The following KCNIP3 variants were observed in gnomAD, a reference collection of about 807,000 sequenced individuals.
KCNIP3 encodes the protein potassium voltage-gated channel interacting protein 3.
A neutral mutation model predicts 35.0 loss-of-function variants in KCNIP3; 28 were observed. The ratio of observed to expected loss-of-function variants is 0.80; its 90% confidence interval spans 0.59 to 1.10. The LOEUF is 1.10. KCNIP3 is among the 50% of genes least tolerant of loss of function. KCNIP3 has a pLI of 0.00. For synonymous variants in KCNIP3, 134 were observed against 133.8 expected, an observed-to-expected ratio of 1.00 and a Z score of -0.01; for missense variants, 295 against 338.4, an observed-to-expected ratio of 0.87 and a Z score of 1.01.
intron 2 of KCNIP3, among the ~76,000 whole-genome samples, chr2:95,355,768 C>T (rs1240095702): frequency 2.6e-5 from 4 of 152,072 alleles, no homozygotes; most frequent in Admixed American, 6.5e-5. Flanking sequence ...GGGTTGGTTC[C>T]GAGTCTTTGC....
intron 2 of KCNIP3, among the ~76,000 whole-genome samples, chr2:95,319,266 G>A (rs1194339988): frequency 6.6e-6 from 1 of 152,224 alleles, no homozygotes; most frequent in Admixed American, 6.5e-5. Flanking sequence ...CTAGCCCCAG[G>A]TGGCAAGTTT....
Position 95,376,743 on chromosome 2 carries a change from C to T in KCNIP3, c.447+1535C>T, listed in dbSNP as rs1392640279. ...CCTGGGAGCCCCACAGACTGGGATC[C>T]CAGTGGTCACAAAGGATCCTGCCAG... is the stretch of plus-strand genomic sequence containing the variant. On this transcript the variant is annotated intron_variant, in intron 5 of 8. Transcript: ENST00000295225. This position sits in a 1 kb window ranked among gnomAD's most constrained non-coding sequence, Gnocchi z 4.2. Among the ~76,000 whole-genome samples the T allele has an allele frequency of 1.3e-5, 2 of 152,220 alleles. No homozygotes were observed. The highest frequency in any genetic ancestry group is 4.8e-5 in the African/African-American group (2 of 41,458).
intron 2 of KCNIP3, chr2:95,310,736 G>A: frequency 3.4e-6 from 2 of 586,366 alleles, no homozygotes; most frequent in Non-Finnish European, 6.1e-6. Flanking sequence ...GACCCACAGA[G>A]CATGGGTACA....
At chr2:95,344,449 G>C (rs1453493537) in intron 2 of KCNIP3, among the ~76,000 whole-genome samples, 2 of 152,230 alleles carry the variant, frequency 1.3e-5, no homozygotes, top group Non-Finnish European at 2.9e-5. Context: ...AATGCCACGT[G>C]GATACTCTGC....
rs949390066 is a variant in KCNIP3 at position 95,378,247 on chromosome 2, C to T, written c.447+3039C>T. On this transcript the variant is annotated intron_variant, in intron 5 of 8. Coordinates refer to ENST00000295225, the MANE Select transcript of KCNIP3 (RefSeq NM_013434.5). The surrounding 1 kb of genome is among the most constrained non-coding windows in gnomAD (Gnocchi z 4.0). ...AAGTGATCCTCCTACCCCAGCCTCC[C>T]GAGTACCTGGGACTGCGGGTGCATG... 3.3e-5 allele frequency among the ~76,000 whole-genome samples: 5 copies of T among 152,128 alleles called. No homozygotes were observed. The highest frequency in any genetic ancestry group is 1.2e-4 in the African/African-American group (5 of 41,430).
intron 2 of KCNIP3, among the ~76,000 whole-genome samples, chr2:95,320,895 G>A (rs1465399526): frequency 3.3e-5 from 1 of 29,990 alleles, no homozygotes; most frequent in African/African-American, 1.4e-4. Flanking sequence ...CGCCCCCCTC[G>A]GCCCCACCCA....
chr2:95,322,010 G>A (rs1678609116), intron 2 of KCNIP3, among the ~76,000 whole-genome samples: 1 of 152,112 alleles, frequency 6.6e-6, no homozygotes, highest in Non-Finnish European at 1.5e-5. Flanking sequence ...AGCTCTGTGT[G>A]AAGCAAATTG....
At chr2:95,357,843 G>T (rs2104281874) in intron 2 of KCNIP3, among the ~76,000 whole-genome samples, 1 of 152,350 alleles carries the variant, frequency 6.6e-6, no homozygotes, top group East Asian at 1.9e-4. Context: ...TCGCCTTGCT[G>T]TGGCTGGAGC....
At chr2:95,379,736 G>T (rs1180368957) in intron 5 of KCNIP3, among the ~76,000 whole-genome samples, 2 of 152,164 alleles carry the variant, frequency 1.3e-5, no homozygotes, top group Admixed American at 1.3e-4. Flanking sequence ...CGTTCCCTGG[G>T]CCTCCTGCCT....
At chr2:95,325,567 G>C (rs1290055873) in intron 2 of KCNIP3, among the ~76,000 whole-genome samples, 1 of 151,862 alleles carries the variant, frequency 6.6e-6, no homozygotes, top group Non-Finnish European at 1.5e-5. Flanking sequence ...CAGGGGGCAG[G>C]TCAGGGCACA....
chr2:95,333,559 A>C (rs1425974370), intron 2 of KCNIP3, among the ~76,000 whole-genome samples: 1 of 152,210 alleles, frequency 6.6e-6, no homozygotes, highest in Non-Finnish European at 1.5e-5. Flanking sequence ...GCACGTGCTC[A>C]GGATAGAGTC....
At chr2:95,324,375 G>A (rs563783518) in intron 2 of KCNIP3, among the ~76,000 whole-genome samples, 10 of 151,804 alleles carry the variant, frequency 6.6e-5, no homozygotes, top group Middle Eastern at 3.5e-3. Context: ...TTAGCTGGGC[G>A]TGGTGGCGGG....
intron 2 of KCNIP3, among the ~76,000 whole-genome samples, chr2:95,343,052 TG>T (rs1321574251): frequency 6.7e-6 from 1 of 148,348 alleles, no homozygotes; most frequent in Non-Finnish European, 1.5e-5. Context: ...ACAGTGGAGG[TG>T]GGGAGAGGCA....
At chr2:95,302,952 A>C (rs1218323728) in intron 1 of KCNIP3, 1 of 152,718 alleles carries the variant, frequency 6.5e-6, no homozygotes, top group Non-Finnish European at 1.5e-5. Context: ...TTGCCCATGC[A>C]TGTACTCCTA....
rs1197163803 is a variant in KCNIP3 at position 95,378,875 on chromosome 2, C to A, written c.448-2721C>A. Reference sequence around the variant, plus strand: ...ATATATACACATATATACACACACACACATATATATACACACACACACATA... The same window carrying A: ...ATATATACACATATATACACACACAAACATATATATACACACACACACATA... On this transcript the variant is annotated intron_variant, in intron 5 of 8. Transcript: ENST00000295225. This position sits in a 1 kb window ranked among gnomAD's most constrained non-coding sequence, Gnocchi z 4.0. 6.7e-6 allele frequency among the ~76,000 whole-genome samples: 1 copy of A among 148,840 alleles called. No individual in the cohort carries two copies. The highest frequency in any genetic ancestry group is 2.0e-4 in the East Asian group (1 of 5,076).
intron 5 of KCNIP3, among the ~76,000 whole-genome samples, chr2:95,380,698 A>C (rs1680315924): frequency 6.6e-6 from 1 of 152,188 alleles, no homozygotes; most frequent in Non-Finnish European, 1.5e-5. Context: ...CACACACAGC[A>C]TGTCATGACT....
Position 95,378,992 on chromosome 2 carries a change from C to T in KCNIP3, c.448-2604C>T, listed in dbSNP as rs1005192416. Among the ~76,000 whole-genome samples, 1 of 152,048 alleles carries T rather than the reference C, an allele frequency of 6.6e-6. No homozygotes were observed. The highest frequency in any genetic ancestry group is 2.4e-5 in the African/African-American group (1 of 41,380). On this transcript the variant is annotated intron_variant, in intron 5 of 8. Transcript: ENST00000295225. The surrounding 1 kb of genome is among the most constrained non-coding windows in gnomAD (Gnocchi z 4.0). ...TGCACGTTGGAAAACCAGCAGGTGA[C>T]CACCACCTTGTCTGCTGTAGCCAGT...
At chr2:95,329,220 G>GT (rs1678867849) in intron 2 of KCNIP3, among the ~76,000 whole-genome samples, 4 of 134 alleles carry the variant, frequency 0.03, no homozygotes, top group South Asian at 0.25. Flanking sequence ...GGCTCCCAGC[G>GT]CGGGCCAAGC....
At chr2:95,371,110 C>G (rs1291574474) in intron 2 of KCNIP3, among the ~76,000 whole-genome samples, 1 of 152,162 alleles carries the variant, frequency 6.6e-6, no homozygotes, top group Non-Finnish European at 1.5e-5. Flanking sequence ...GTTCTTTCTT[C>G]TATTTACTTT....
Sources: allele counts gnomAD v4.1 joint callset (sites outside exome capture counted in the v4.1 genomes callset), GRCh38; gene constraint gnomAD v4.1.1; non-coding constraint Gnocchi (gnomAD v3.1); transcripts MANE v1.5; gene names NCBI Gene and HGNC (gene_info 2026-07-23, HGNC 2026-07-21).